Variants in CHD2 observed in about 807,000 individuals in gnomAD.
The protein encoded by CHD2 is chromodomain helicase DNA binding protein 2.
In CHD2, 28 loss-of-function variants were observed where a neutral mutation model predicts 243.9. The ratio of observed to expected loss-of-function variants is 0.11; its 90% CI spans 0.09 to 0.16. The LOEUF (loss-of-function observed/expected upper bound fraction) is 0.16. Ranked by LOEUF, CHD2 falls within the 10% of genes least tolerant of loss-of-function variation. The pLI is 1.00. For missense variants in CHD2, 1,386 were observed against 2,209.8 expected, an observed-to-expected ratio of 0.63 and a Z score of 7.47; for synonymous variants, 775 against 779.0, an observed-to-expected ratio of 0.99 and a Z score of 0.09.
intron 2 of CHD2, among the ~76,000 whole-genome samples, chr15:92,923,081 A>G (rs1293851471): frequency 6.6e-6 from 1 of 152,176 alleles, no homozygotes; most frequent in Non-Finnish European, 1.5e-5. Flanking sequence ...ACTTCTGTTA[A>G]GTCTACCACT....
At position 92,937,498 on chromosome 15, in the gene CHD2, T is replaced by G; in HGVS notation, c.444-20T>G. 2 of 1,545,294 alleles carry G rather than the reference T, an allele frequency of 1.3e-6. No homozygotes were observed. The highest frequency in any genetic ancestry group is 1.7e-6 in the Non-Finnish European group (2 of 1,144,794). On this transcript the variant is annotated intron_variant, in intron 5 of 38. Transcript: ENST00000394196. ...GGATTCTTTTAGAAAAAAATTACTT[T>G]GTTTTGCTTTTGATCACAGAGAAAA...
At chr15:92,904,173 A>C (rs8035696) in intron 2 of CHD2, among the ~76,000 whole-genome samples, 1 of 152,198 alleles carries the variant, frequency 6.6e-6, no homozygotes, top group Non-Finnish European at 1.5e-5. Flanking sequence ...TGGCATCTTG[A>C]TGCAGGTCCA....
rs1262732938 is a variant in CHD2, at chr15:92,939,718, G to A, written c.692G>A (p.Ser231Asn). Reference sequence around the variant, plus strand: ...CGTCGAAGAGCGGCTAAAAACGTTAGGTAAGTTGTACCCCAGAAGTGTTTC... The same window carrying A: ...CGTCGAAGAGCGGCTAAAAACGTTAAGTAAGTTGTACCCCAGAAGTGTTTC... ...QTRRRAAKNVSYKEDDDFETD... is the reference protein window; with the variant it reads ...QTRRRAAKNVNYKEDDDFETD... Residue 231 changes from serine to asparagine, a missense_variant and splice_region_variant, in exon 7 of 39, where the codon AGT becomes AAT. Around this residue, in one of 19 missense-constraint regions of CHD2, gnomAD observed 200 missense variants for 292.5 expected, o/e 0.68. Transcript: ENST00000394196. 1 of 1,612,958 alleles carries A rather than the reference G, an allele frequency of 6.2e-7. No individual in the cohort carries two copies. The highest frequency in any genetic ancestry group is 8.5e-7 in the Non-Finnish European group (1 of 1,179,824).
chr15:93,017,912 C>T (rs772998529), intron 37 of CHD2, among the ~76,000 whole-genome samples: 7 of 152,130 alleles, frequency 4.6e-5, no homozygotes, highest in Non-Finnish European at 8.8e-5. Context: ...GTTTTGTATA[C>T]GATGTCACTT....
intron 2 of CHD2, among the ~76,000 whole-genome samples, chr15:92,921,845 A>T (rs1567125773): frequency 2.0e-5 from 3 of 152,192 alleles, no homozygotes; most frequent in African/African-American, 7.2e-5. Flanking sequence ...GCTAGGACTG[A>T]AATGGAAGCT....
intron 2 of CHD2, among the ~76,000 whole-genome samples, chr15:92,922,786 T>C (rs1212535803): frequency 1.3e-5 from 2 of 152,222 alleles, no homozygotes; most frequent in African/African-American, 4.8e-5. Flanking sequence ...TGAGGTCTTT[T>C]TGCTTCAGAG....
At position 93,027,251 on chromosome 15, in the gene CHD2, C is replaced by T. The variant is rs1309694222; in HGVS notation, c.*2546C>T. Reference sequence around the variant, plus strand: ...CACTTGTGAATGGGAGAAGCTGCCCCAGGAATCTGTGAGGATGGTATTCCC... The same window carrying T: ...CACTTGTGAATGGGAGAAGCTGCCCTAGGAATCTGTGAGGATGGTATTCCC... On this transcript the variant is annotated 3_prime_UTR_variant, in exon 39 of 39. Transcript: ENST00000394196. 6.6e-6 allele frequency: 1 copy of T among 152,414 alleles called. No homozygotes were observed. Among genetic ancestry groups the T allele is most frequent in the East Asian group, 1.9e-4 (1 of 5,206 alleles). 9.4% of individuals were successfully genotyped at this position (152,414 alleles called of 1,614,324 possible). A position where few individuals can be genotyped will look rare whatever the true frequency, so the allele number is the denominator to read the frequency against.
Position 92,985,701 on chromosome 15 carries a change from C to T in CHD2, c.3413+28C>T. 1.9e-6 allele frequency: 3 copies of T among 1,593,008 alleles called. 1 individual carries two copies. The highest frequency in any genetic ancestry group is 4.5e-5 in the East Asian group (2 of 44,642). On this transcript the variant is annotated intron_variant, in intron 26 of 38. Transcript: ENST00000394196. ...TGGTGGAGGCTCTGTTCTCACTGAG[C>T]TTGTTTGAAAGTGCGTACTGTAAGT...
intron 2 of CHD2, among the ~76,000 whole-genome samples, chr15:92,913,732 G>A (rs1272219374): frequency 6.6e-6 from 1 of 152,128 alleles, no homozygotes; most frequent in Non-Finnish European, 1.5e-5. Flanking sequence ...TGCACCTATA[G>A]TCCCAGCTAT....
intron 17 of CHD2, among the ~76,000 whole-genome samples, chr15:92,970,381 A>T (rs2053825296): frequency 6.6e-6 from 1 of 152,028 alleles, no homozygotes; most frequent in African/African-American, 2.4e-5. Flanking sequence ...TTGTAGTTTT[A>T]GTAGAGATGG....
chr15:92,985,165 C>T (rs977289926), intron 25 of CHD2, among the ~76,000 whole-genome samples: 4 of 152,168 alleles, frequency 2.6e-5, no homozygotes, highest in African/African-American at 7.2e-5. Context: ...CTATTGTCTT[C>T]ATTTTTCAAA....
intron 33 of CHD2, 31 bp from the exon 34 acceptor site, chr15:93,004,586 A>T: frequency 1.3e-6 from 2 of 1,589,994 alleles, no homozygotes; most frequent in Non-Finnish European, 1.7e-6. Context: ...TGCACAAATG[A>T]CAATGACTCC....
chr15:92,987,345 C>A (rs576452575), intron 26 of CHD2, among the ~76,000 whole-genome samples: 5 of 152,158 alleles, frequency 3.3e-5, no homozygotes, highest in Admixed American at 6.5e-5. Context: ...CGCCTGTAAT[C>A]CCAGCACTTT....
intron 16 of CHD2, among the ~76,000 whole-genome samples, chr15:92,960,262 T>A (rs1416948340): frequency 6.6e-6 from 1 of 152,198 alleles, no homozygotes; most frequent in Non-Finnish European, 1.5e-5. Context: ...TTCTTAGTAT[T>A]TTTCTATAGA....
At chr15:92,926,284 A>C (rs987457483) in intron 3 of CHD2, among the ~76,000 whole-genome samples, 1 of 152,214 alleles carries the variant, frequency 6.6e-6, no homozygotes, top group Non-Finnish European at 1.5e-5. Flanking sequence ...CAAACATTTC[A>C]CAAGTCTCAG....
At chr15:92,962,098 T>C (rs1011200667) in intron 16 of CHD2, among the ~76,000 whole-genome samples, 1 of 151,938 alleles carries the variant, frequency 6.6e-6, no homozygotes, top group Admixed American at 6.6e-5. Flanking sequence ...GCCAGGCTGG[T>C]CTTGAACTCC....
Position 93,026,264 on chromosome 15 carries a change from G to C in CHD2, c.*1559G>C, listed in dbSNP as rs901657533. The C allele has an allele frequency of 3.9e-5, 6 of 152,784 alleles. No individual in the cohort carries two copies. Among genetic ancestry groups the C allele is most frequent in the Middle Eastern group, 3.4e-3 (1 of 294 alleles). The allele number at this position is 152,784 out of a possible 1,614,324, so 9.5% of individuals were successfully genotyped here. A position where few individuals can be genotyped will look rare whatever the true frequency, so the allele number is the denominator to read the frequency against. On this transcript the variant is annotated 3_prime_UTR_variant, in exon 39 of 39. Coordinates refer to ENST00000394196, the MANE Select transcript of CHD2 (RefSeq NM_001271.4). ...CAGAGCTGGTGAAAACCCTTCTGTTGGGCGTGTGCAGGGTTAAACTCCTGA... is the reference window on the plus strand; with the variant it reads ...CAGAGCTGGTGAAAACCCTTCTGTTCGGCGTGTGCAGGGTTAAACTCCTGA...
chr15:92,907,995 C>T (rs1231425466), intron 2 of CHD2, among the ~76,000 whole-genome samples: 1 of 146,362 alleles, frequency 6.8e-6, no homozygotes, highest in African/African-American at 2.5e-5. Context: ...AGTTCATCCT[C>T]TCTTAGAATT....
At chr15:92,901,910 ATT>A (rs1469566721) in intron 2 of CHD2, 4 of 335,438 alleles carry the variant, frequency 1.2e-5, no homozygotes, top group Non-Finnish European at 1.6e-5. Flanking sequence ...TTTTGATGTG[ATT>A]TATCAAAACC....
Sources: gnomAD v4.1 joint callset for allele counts (sites outside exome capture counted in the v4.1 genomes callset) on GRCh38, gnomAD v4.1.1 for gene constraint, gnomAD v4.1.1 regional missense constraint, MANE v1.5 for transcripts, NCBI Gene and HGNC (gene_info 2026-07-23, HGNC 2026-07-21) for gene names.